PBX3: variants seen among roughly 807,000 people sequenced by gnomAD.
The protein encoded by PBX3 is PBX homeobox 3, also known as pre-B-cell leukemia transcription factor 3.
PBX3 carries 14 observed loss-of-function variants against 48.5 expected under a neutral mutation model. The observed-to-expected ratio is 0.29, with a 90% CI of 0.19 to 0.45. The LOEUF (loss-of-function observed/expected upper bound fraction) is 0.45. PBX3 is among the 20% of genes least tolerant of loss of function. PBX3 has a pLI of 1.00. For synonymous variants in PBX3, 210 were observed against 200.3 expected, an observed-to-expected ratio of 1.05 and a Z score of -0.41; for missense variants, 386 against 546.7, an observed-to-expected ratio of 0.71 and a Z score of 2.93.
chr9:125,869,664 C>T (rs1156242852), intron 2 of PBX3, among the ~76,000 whole-genome samples: 1 of 152,186 alleles, frequency 6.6e-6, no homozygotes, highest in African/African-American at 2.4e-5. Context: ...TGGAAAATAC[C>T]TGGAGCATGG....
At chr9:125,829,153 C>T (rs79845220) in intron 2 of PBX3, among the ~76,000 whole-genome samples, 5 of 152,124 alleles carry the variant, frequency 3.3e-5, no homozygotes, top group Admixed American at 6.5e-5. Flanking sequence ...ATGTTAAAGA[C>T]GATTCGTTGC....
chr9:125,947,100 G>C (rs1475150318), intron 5 of PBX3, among the ~76,000 whole-genome samples: 1 of 152,148 alleles, frequency 6.6e-6, no homozygotes, highest in African/African-American at 2.4e-5. Context: ...TTTGATAGTG[G>C]AGGTGAAATA....
chr9:125,788,861 C>T (rs1200969303), intron 2 of PBX3, among the ~76,000 whole-genome samples: 2 of 149,582 alleles, frequency 1.3e-5, no homozygotes, highest in African/African-American at 2.5e-5. Flanking sequence ...GGCGACAGAG[C>T]GAGACTCCAT....
intron 2 of PBX3, among the ~76,000 whole-genome samples, chr9:125,792,078 A>G (rs1588150262): frequency 6.6e-6 from 1 of 151,680 alleles, no homozygotes; most frequent in South Asian, 2.1e-4. Context: ...ACGCACGCAT[A>G]TAAATAAATA....
intron 2 of PBX3, among the ~76,000 whole-genome samples, chr9:125,908,138 C>G (rs1375372064): frequency 6.6e-6 from 1 of 152,078 alleles, no homozygotes. Context: ...GTGAGAAACA[C>G]AAAGACAGAA....
At chr9:125,962,918 C>A in intron 7 of PBX3, 94 bp from the exon 8 acceptor site, 1 of 547,244 alleles carries the variant, frequency 1.8e-6, no homozygotes, top group Non-Finnish European at 3.3e-6. Flanking sequence ...GATGTTAAAC[C>A]CTTGTGGCAC....
intron 5 of PBX3, among the ~76,000 whole-genome samples, chr9:125,936,899 C>T (rs1466476368): frequency 6.6e-6 from 1 of 151,972 alleles, no homozygotes; most frequent in South Asian, 2.1e-4. Context: ...TATGATATGC[C>T]GGGTTAGCCA....
intron 2 of PBX3, among the ~76,000 whole-genome samples, chr9:125,899,835 T>C (rs1840899268): frequency 6.6e-6 from 1 of 151,788 alleles, no homozygotes. Flanking sequence ...TAATTGAGAA[T>C]TGGAGGCATT....
chr9:125,795,962 A>G (rs1224910633), intron 2 of PBX3, among the ~76,000 whole-genome samples: 1 of 152,164 alleles, frequency 6.6e-6, no homozygotes, highest in Admixed American at 6.5e-5. Flanking sequence ...TTTTGGTGTA[A>G]GAGACTAAGA....
rs1836276911 is a variant in PBX3, at chr9:125,748,619, A to G, written c.270A>G (p.Lys90=). The G allele has an allele frequency of 6.2e-7, 1 of 1,612,942 alleles. No homozygotes were observed. The change falls in exon 2 of 9, where the codon AAA becomes AAG. Residue 90 remains lysine (K), a synonymous_variant. Transcript: ENST00000373489. The stretch of plus-strand genomic sequence containing the variant: ...GCGTCCTGTGTGAGATCAAAGAGAA[A>G]ACAGGTAAGACGCTGCGCCCCGCAG... ...LFSVLCEIKE[K]TGLSIRGAQE...
At chr9:125,748,244 C>A in intron 1 of PBX3, 3 of 1,045,436 alleles carry the variant, frequency 2.9e-6, no homozygotes, top group Non-Finnish European at 3.5e-6. Flanking sequence ...CCCGTCCCCT[C>A]CCCCGGGTCG....
chr9:125,749,122 T>G, intron 2 of PBX3: 1 of 157,558 alleles, frequency 6.3e-6, no homozygotes, highest in Non-Finnish European at 1.4e-5. Flanking sequence ...GAAGGCTACT[T>G]TAGAGAATCG....
At position 125,827,403 on chromosome 9, in the gene PBX3, C is replaced by T. The variant is rs534547192; in HGVS notation, c.274+78780C>T. Among the ~76,000 whole-genome samples, 3 of 152,242 alleles carry T rather than the reference C, an allele frequency of 2.0e-5. No homozygotes were observed. In the East Asian group the frequency reaches 5.8e-4, roughly 29 times the overall value. ...TTGAAGTTTCCCCATCCGTTCAGCT[C>T]ACTAACTTCCCCACCCCAAATTAGT... On this transcript the variant is annotated intron_variant, in intron 2 of 8. Coordinates refer to ENST00000373489, the MANE Select transcript of PBX3 (RefSeq NM_006195.6).
intron 2 of PBX3, among the ~76,000 whole-genome samples, chr9:125,752,848 A>G (rs1004263860): frequency 6.6e-6 from 1 of 152,202 alleles, no homozygotes; most frequent in African/African-American, 2.4e-5. Context: ...CAATATAATT[A>G]TCATCTTTTG....
intron 2 of PBX3, among the ~76,000 whole-genome samples, chr9:125,837,460 C>G (rs1216168506): frequency 1.3e-5 from 2 of 150,724 alleles, no homozygotes; most frequent in African/African-American, 2.4e-5. Context: ...CTATTTGCCT[C>G]TGGAGGAAAA....
intron 8 of PBX3, among the ~76,000 whole-genome samples, chr9:125,964,283 T>G (rs1842487671): frequency 6.6e-6 from 1 of 152,178 alleles, no homozygotes. Context: ...ATATTGTACA[T>G]TTGTTGTTTA....
rs540288986 is a variant in PBX3 at position 125,799,600 on chromosome 9, G to A, written c.274+50977G>A. ...TTCTTCTCTAAAATATTGCATTATA[G>A]TACAATATAAATATAAAATAAGCAT... On this transcript the variant is annotated intron_variant, in intron 2 of 8. Transcript: ENST00000373489. Among the ~76,000 whole-genome samples the A allele has an allele frequency of 5.3e-5, 8 of 152,210 alleles. No homozygotes were observed. In the East Asian group the frequency reaches 1.2e-3, roughly 22 times the overall value.
intron 2 of PBX3, among the ~76,000 whole-genome samples, chr9:125,833,673 T>G (rs1440696576): frequency 6.6e-6 from 1 of 152,180 alleles, no homozygotes; most frequent in African/African-American, 2.4e-5. Context: ...TTTTTCCCTA[T>G]TTAGACTAAA....
chr9:125,914,383 T>G (rs140257309), intron 2 of PBX3, among the ~76,000 whole-genome samples: 11 of 152,252 alleles, frequency 7.2e-5, no homozygotes, highest in Non-Finnish European at 1.3e-4. Flanking sequence ...AAATTAAAGT[T>G]TTGCATTTGT....
Sources: gnomAD v4.1 joint callset for allele counts (sites outside exome capture counted in the v4.1 genomes callset) on GRCh38, gnomAD v4.1.1 for gene constraint, MANE v1.5 for transcripts, NCBI Gene and HGNC (gene_info 2026-07-23, HGNC 2026-07-21) for gene names.